The following OPCML variants were observed in gnomAD, a reference collection of about 807,000 sequenced individuals.
OPCML encodes the protein opioid-binding protein/cell adhesion molecule.
In OPCML, 13 loss-of-function variants were observed where a neutral mutation model predicts 37.8. That is an observed-to-expected ratio of 0.34 (90% CI 0.22 to 0.55). OPCML has a LOEUF of 0.55. Among genes scored for constraint, OPCML ranks in the 20% least tolerant of loss-of-function variants. The pLI, the probability that OPCML is intolerant of heterozygous loss-of-function variation, is 0.91. For synonymous variants in OPCML, 176 were observed against 168.8 expected (o/e 1.04, Z -0.33); for missense variants, 341 against 435.6 (o/e 0.78, Z 1.93).
chr11:132,465,675 G>A (rs1186256537), intron 4 of OPCML, among the ~76,000 whole-genome samples: 1 of 151,906 alleles, frequency 6.6e-6, no homozygotes, highest in Non-Finnish European at 1.5e-5. Flanking sequence ...CTCTTTCACT[G>A]TAATAAGTTT....
chr11:133,063,639 A>G (rs1948389824), intron 1 of OPCML, among the ~76,000 whole-genome samples: 1 of 151,236 alleles, frequency 6.6e-6, no homozygotes, highest in Non-Finnish European at 1.5e-5. Context: ...TTGGCTCACT[A>G]CAACCTCCGC....
intron 2 of OPCML, among the ~76,000 whole-genome samples, chr11:132,918,618 G>A (rs769281122): frequency 2.0e-5 from 3 of 151,950 alleles, no homozygotes; most frequent in Non-Finnish European, 4.4e-5. Flanking sequence ...ATTTTTTCTA[G>A]TAGGTTTAAC....
chr11:133,007,151 AC>A (rs1947129406), intron 1 of OPCML: 2 of 985,344 alleles, frequency 2.0e-6, no homozygotes, highest in African/African-American at 3.5e-5. Context: ...CCTTACAGGT[AC>A]ATGCCCACAG....
chr11:132,813,417 G>C (rs1939456486), intron 2 of OPCML, among the ~76,000 whole-genome samples: 1 of 152,184 alleles, frequency 6.6e-6, no homozygotes, highest in African/African-American at 2.4e-5. Context: ...TTCTGCAGAA[G>C]TACCAGCACA....
intron 3 of OPCML, among the ~76,000 whole-genome samples, chr11:132,573,266 A>G (rs939428612): frequency 6.6e-6 from 1 of 151,934 alleles, no homozygotes; most frequent in Non-Finnish European, 1.5e-5. Flanking sequence ...GCTGTTATAC[A>G]ACCTCCAGGA....
intron 4 of OPCML, among the ~76,000 whole-genome samples, chr11:132,526,728 T>G (rs1056584517): frequency 6.6e-6 from 1 of 152,226 alleles, no homozygotes; most frequent in Admixed American, 6.5e-5. Context: ...TCGGTATATT[T>G]ATACTTCAAA....
At position 132,818,662 on chromosome 11, in the gene OPCML, ACAGAT is replaced by A. The variant is rs1482922471; in HGVS notation, c.146+124259_146+124263del. 1.6e-4 allele frequency among the ~76,000 whole-genome samples: 23 copies of A among 144,338 alleles called. No individual in the cohort carries two copies. In the East Asian group the frequency reaches 4.4e-3, roughly 27 times the overall value. The allele number at this position is 144,338 out of a possible 152,430, so 94.7% of individuals were successfully genotyped here. The stretch of plus-strand genomic sequence containing the variant: ...GATATGAGTGTATATATATATATAG[ACAGAT>A]TATATTATATATAAAATCATATTGT... On this transcript the variant is annotated intron_variant, in intron 2 of 7. Transcript: ENST00000524381.
rs1004819146 is a variant in OPCML, at chr11:132,508,637, G to A, written c.505+20424C>T. On this transcript the variant is annotated intron_variant, in intron 4 of 7. Transcript: ENST00000524381. The stretch of plus-strand genomic sequence containing the variant: ...TGGGGGTCTTTCCCATGCTATTCTC[G>A]TGATAGTGAATAGGTCTTATGAGAT... Among the ~76,000 whole-genome samples the A allele has an allele frequency of 4.6e-5, 7 of 152,080 alleles. No homozygotes were observed. In the South Asian group the frequency reaches 6.2e-4, roughly 14 times the overall value.
At chr11:132,765,068 G>C in intron 2 of OPCML, among the ~76,000 whole-genome samples, 1 of 151,784 alleles carries the variant, frequency 6.6e-6, no homozygotes, top group Non-Finnish European at 1.5e-5. Context: ...TCGTTTTGCT[G>C]ACCCAGCCTC....
At chr11:132,888,886 T>A (rs2659599) in intron 2 of OPCML, among the ~76,000 whole-genome samples, 8,121 of 152,084 alleles carry the variant, frequency 0.053, 366 homozygotes, top group South Asian at 0.14. Context: ...AAAAAATCTG[T>A]TCCCTTTACA....
intron 1 of OPCML, among the ~76,000 whole-genome samples, chr11:133,184,097 A>G (rs1016381450): frequency 1.3e-5 from 2 of 152,210 alleles, no homozygotes; most frequent in Non-Finnish European, 2.9e-5. Flanking sequence ...CTAATCCTGC[A>G]GCAAGAGGGT....
chr11:132,486,522 G>T (rs113110778), intron 4 of OPCML, among the ~76,000 whole-genome samples: 1 of 151,434 alleles, frequency 6.6e-6, no homozygotes, highest in African/African-American at 2.4e-5. Flanking sequence ...TTCCTCTCTC[G>T]GTGCTTGCTA....
At chr11:132,995,757 G>A (rs911211011) in intron 1 of OPCML, among the ~76,000 whole-genome samples, 2 of 152,174 alleles carry the variant, frequency 1.3e-5, no homozygotes, top group African/African-American at 4.8e-5. Flanking sequence ...CTGAAGGGAA[G>A]ACCTGGCTTT....
At chr11:132,770,824 T>G (rs1057118842) in intron 2 of OPCML, among the ~76,000 whole-genome samples, 12 of 152,072 alleles carry the variant, frequency 7.9e-5, no homozygotes, top group Admixed American at 7.9e-4. Flanking sequence ...AAGGGGGGAC[T>G]CAGGGGGCCC....
intron 1 of OPCML, among the ~76,000 whole-genome samples, chr11:133,210,670 A>G (rs1374632229): frequency 6.6e-6 from 1 of 152,156 alleles, no homozygotes; most frequent in Non-Finnish European, 1.5e-5. Context: ...AAAGGTTCCA[A>G]CATACATGGC....
At chr11:133,251,311 A>T (rs374621100) in intron 1 of OPCML, among the ~76,000 whole-genome samples, 3 of 152,204 alleles carry the variant, frequency 2.0e-5, no homozygotes, top group African/African-American at 7.2e-5. Flanking sequence ...AGGACTGGGG[A>T]TAGAGCAGTA....
chr11:132,785,736 G>C (rs1269618686), intron 2 of OPCML, among the ~76,000 whole-genome samples: 2 of 152,084 alleles, frequency 1.3e-5, no homozygotes, highest in Non-Finnish European at 2.9e-5. Context: ...CCAGACCTCT[G>C]GGATTTAAAA....
intron 2 of OPCML, among the ~76,000 whole-genome samples, chr11:132,853,999 A>C (rs1449470550): frequency 6.6e-6 from 1 of 152,166 alleles, no homozygotes. Flanking sequence ...CAGATCACAC[A>C]GGGTAAGGGC....
At chr11:133,376,463 T>C (rs1184704921) in intron 1 of OPCML, among the ~76,000 whole-genome samples, 2 of 152,140 alleles carry the variant, frequency 1.3e-5, no homozygotes, top group Admixed American at 6.5e-5. Context: ...CCCATATACA[T>C]TAAAAGTCCC....
Sources: allele counts gnomAD v4.1 joint callset (sites outside exome capture counted in the v4.1 genomes callset), GRCh38; gene constraint gnomAD v4.1.1; transcripts MANE v1.5; gene names NCBI Gene and HGNC (gene_info 2026-07-23, HGNC 2026-07-21).